The following REXO2 variants were observed in gnomAD, a reference collection of about 807,000 sequenced individuals.
The protein encoded by REXO2 is oligoribonuclease, mitochondrial.
In REXO2, 17 loss-of-function variants were observed where a neutral mutation model predicts 30.9. The observed-to-expected ratio is 0.55, with a 90% confidence interval of 0.38 to 0.82. The LOEUF is 0.82. REXO2 is among the 40% of genes least tolerant of loss of function. The pLI is 0.00. For synonymous variants in REXO2, 105 were observed against 99.6 expected (o/e 1.05, Z -0.32); for missense variants, 253 against 293.2 (o/e 0.86, Z 1.00).
In REXO2 at chr11:114,446,015, A is replaced by G. The variant is rs955737700; in HGVS notation, c.458A>G (p.Lys153Arg). Residue 153 changes from lysine to arginine, a missense_variant, in exon 5 of 7, where the codon AAA (lysine) becomes AGA (arginine). By Grantham distance (26) the Lys-to-Arg change is conservative. Coordinates refer to ENST00000265881, the MANE Select transcript of REXO2 (RefSeq NM_015523.4). ...SVHEDKKFLD[K>R]YMPQFMKHLH... ...CATGAAGATAAGAAGTTTCTTGACA[A>G]ATACATGCCCCAGTTCATGAAACAT... 3.7e-6 allele frequency: 6 copies of G among 1,609,744 alleles called. No homozygotes were observed. The highest frequency in any genetic ancestry group is 5.1e-6 in the Non-Finnish European group (6 of 1,176,752).
At chr11:114,443,733 G>T in intron 2 of REXO2, 123 bp from the exon 3 acceptor site, 1 of 672,638 alleles carries the variant, frequency 1.5e-6, no homozygotes, top group Non-Finnish European at 2.6e-6. Context: ...AACACTTAAA[G>T]TATCCTTATC....
chr11:114,450,066 C>T lies in REXO2; in HGVS notation c.*91C>T, dbSNP rs1299977329. 13 of 1,321,518 alleles carry T rather than the reference C, an allele frequency of 9.8e-6. No homozygotes were observed. Among genetic ancestry groups the T allele is most frequent in the African/African-American group, 1.5e-5 (1 of 66,694 alleles). 81.9% of individuals were successfully genotyped at this position (1,321,518 alleles called of 1,614,324 possible). On this transcript the variant is annotated 3_prime_UTR_variant, in exon 7 of 7. Coordinates refer to ENST00000265881, the MANE Select transcript of REXO2 (RefSeq NM_015523.4). ...CGCTGATGGCTTGGCAGAGCACCTT[C>T]GGTTAACTTGCATCTCCAGATTGAT...
chr11:114,444,464 AAATTTCATTTCTGG>A, intron 3 of REXO2, 63 bp from the exon 4 acceptor site: 1 of 1,027,280 alleles, frequency 9.7e-7, no homozygotes, highest in Non-Finnish European at 1.5e-6. Context: ...TTTAAAAGTG[AAATTTCATTTCTGG>A]ATGCCTTTGA....
intron 2 of REXO2, among the ~76,000 whole-genome samples, 189 bp from the exon 3 acceptor site, chr11:114,443,667 T>A (rs1291818298): frequency 5.9e-5 from 9 of 152,148 alleles, no homozygotes. Flanking sequence ...TTCAGTGGTG[T>A]GTGTATGTTC....
rs371745776 is a variant in REXO2 at position 114,439,618 on chromosome 11, C to T, written c.90C>T (p.Gly30=). Residue 30 remains glycine (G), a synonymous_variant, in exon 1 of 7, where the codon GGC becomes GGT. Coordinates refer to ENST00000265881, the MANE Select transcript of REXO2 (RefSeq NM_015523.4). Reference sequence around the variant, plus strand: ...GGGCCCGAGGTGTCCGCGAAGGTGGCGCAGCCATGGCGGCAGGGGAGAGCA... The same window carrying T: ...GGGCCCGAGGTGTCCGCGAAGGTGGTGCAGCCATGGCGGCAGGGGAGAGCA... ...RFGARGVREG[G]AAMAAGESMA... 46 of 1,602,734 alleles carry T rather than the reference C, an allele frequency of 2.9e-5. No homozygotes were observed. Among genetic ancestry groups the T allele is most frequent in the South Asian group, 4.4e-5 (4 of 90,182 alleles).
chr11:114,445,839 A>T, intron 4 of REXO2, 140 bp from the exon 5 acceptor site: 1 of 609,750 alleles, frequency 1.6e-6, no homozygotes, highest in African/African-American at 1.8e-5. Context: ...CCCAAACCTG[A>T]TTTAGAAATA....
In REXO2 at chr11:114,440,649, A is replaced by T; in HGVS notation, c.148-7A>T. The T allele has an allele frequency of 6.2e-7, 1 of 1,603,180 alleles. No individual in the cohort carries two copies. The highest frequency in any genetic ancestry group is 1.3e-5 in the African/African-American group (1 of 74,812). On this transcript the variant is annotated splice_region_variant and splice_polypyrimidine_tract_variant and intron_variant, in intron 1 of 6. Coordinates refer to ENST00000265881, the MANE Select transcript of REXO2 (RefSeq NM_015523.4). ...TGTGTGTGTTATATATTTATTTTTA[A>T]TTGCAGATGACAGGATTGGACATTG...
chr11:114,447,890 G>C lies in REXO2; in HGVS notation c.584+11G>C, dbSNP rs781689782. On this transcript the variant is annotated intron_variant, in intron 6 of 6. Transcript: ENST00000265881. ...GGCTGCTTCTCATAGGTAAGTTTGA[G>C]TTCTACCAAGCGTTTTCCAGTCTGA... 1 of 1,611,542 alleles carries C rather than the reference G, an allele frequency of 6.2e-7. No individual in the cohort carries two copies. Among genetic ancestry groups the C allele is most frequent in the South Asian group, 1.1e-5 (1 of 90,762 alleles).
Position 114,447,748 on chromosome 11 carries a change from A to G in REXO2, c.531-78A>G, listed in dbSNP as rs959783310. On this transcript the variant is annotated intron_variant, in intron 5 of 6. Transcript: ENST00000265881. ...GACTCAAATGCCATTTTCAATGTTA[A>G]TGGATTACTTGAAGGAGGTAATTGT... is the stretch of plus-strand genomic sequence containing the variant. 106 of 1,232,858 alleles carry G rather than the reference A, an allele frequency of 8.6e-5. 1 individual carries two copies. In the Admixed American group the frequency reaches 2.3e-3, roughly 26 times the overall value. 76.4% of individuals were successfully genotyped at this position (1,232,858 alleles called of 1,614,324 possible). A position where few individuals can be genotyped will look rare whatever the true frequency, so the allele number is the denominator to read the frequency against.
intron 3 of REXO2, chr11:114,444,224 A>G (rs1374153764): frequency 1.6e-6 from 1 of 609,818 alleles, no homozygotes; most frequent in Non-Finnish European, 3.1e-6. Flanking sequence ...TTAGACATCA[A>G]CTTTCAGAGA....
chr11:114,447,930 C>T (rs1946519457), intron 6 of REXO2, 51 bp downstream of exon 6: 10 of 1,414,660 alleles, frequency 7.1e-6, no homozygotes, highest in Middle Eastern at 1.8e-4. Flanking sequence ...CACTTAACTC[C>T]CAAATTCCTG....
intron 1 of REXO2, among the ~76,000 whole-genome samples, chr11:114,439,939 G>C (rs1200533710): frequency 5.3e-5 from 8 of 152,172 alleles, no homozygotes; most frequent in Admixed American, 5.2e-4. Flanking sequence ...GCCCAGATGT[G>C]GACTTTTCCT....
intron 5 of REXO2, among the ~76,000 whole-genome samples, 157 bp from the exon 6 acceptor site, chr11:114,447,667 AAG>A (rs1946517802): frequency 6.6e-6 from 1 of 152,132 alleles, no homozygotes; most frequent in African/African-American, 2.4e-5. Flanking sequence ...ATATAGAAGA[AAG>A]AGAGGAGAGG....
At chr11:114,440,907 T>C (rs1375514102) in intron 2 of REXO2, 168 bp downstream of exon 2, 2 of 482,294 alleles carry the variant, frequency 4.1e-6, no homozygotes, top group Admixed American at 7.7e-5. Flanking sequence ...GTAATCCATC[T>C]CACAGCCTAG....
At position 114,444,546 on chromosome 11, in the gene REXO2, C is replaced by G; in HGVS notation, c.315C>G (p.Gly105=). ...CTGGGGATTCTCTCTTGCAGTCTGG[C>G]CTTACCAAGGCAGTGAAGGAGAGTA... ...DWCKEHHGKS[G]LTKAVKESTI... The change falls in exon 4 of 7, where the codon GGC becomes GGG. Residue 105 remains glycine (G), a synonymous_variant. Coordinates refer to ENST00000265881, the MANE Select transcript of REXO2 (RefSeq NM_015523.4). 1.2e-6 allele frequency: 2 copies of G among 1,608,926 alleles called. No individual in the cohort carries two copies. The highest frequency in any genetic ancestry group is 1.7e-6 in the Non-Finnish European group (2 of 1,177,978).
At chr11:114,444,514 TG>T in intron 3 of REXO2, 26 bp from the exon 4 acceptor site, 3 of 1,526,038 alleles carry the variant, frequency 2.0e-6, no homozygotes, top group South Asian at 1.1e-5. Context: ...GTGTTTTTGG[TG>T]GGGGGCTGGG....
In REXO2 at chr11:114,442,958, G is replaced by A. The variant is rs191954144; in HGVS notation, c.232-898G>A. ...GTGTGTAGTGAACTATTGGATTTTT[G>A]TCCTGTTCTATTGCTCCTTCTTACT... On this transcript the variant is annotated intron_variant, in intron 2 of 6. Coordinates refer to ENST00000265881, the MANE Select transcript of REXO2 (RefSeq NM_015523.4). 2.0e-3 allele frequency among the ~76,000 whole-genome samples: 304 copies of A among 152,030 alleles called. 1 individual carries two copies. The highest frequency in any genetic ancestry group is 5.7e-3 in the African/African-American group (235 of 41,462).
chr11:114,446,786 CAA>C (rs1946511975), intron 5 of REXO2, among the ~76,000 whole-genome samples: 1 of 152,100 alleles, frequency 6.6e-6, no homozygotes, highest in South Asian at 2.1e-4. Flanking sequence ...TCTAGGGCCT[CAA>C]GAGCTTGCAC....
At chr11:114,448,341 T>C (rs1053952514) in intron 6 of REXO2, among the ~76,000 whole-genome samples, 5 of 152,218 alleles carry the variant, frequency 3.3e-5, no homozygotes, top group East Asian at 1.9e-4. Flanking sequence ...TGTATATTCA[T>C]GTGTCCTGTA....
Sources: gnomAD v4.1 joint callset for allele counts (sites outside exome capture counted in the v4.1 genomes callset) on GRCh38, gnomAD v4.1.1 for gene constraint, MANE v1.5 for transcripts, NCBI Gene and HGNC (gene_info 2026-07-23, HGNC 2026-07-21) for gene names.